Variants in TMEM163 observed in about 807,000 individuals in gnomAD.
The protein encoded by TMEM163 is transmembrane protein 163.
In TMEM163, 17 loss-of-function variants were observed where a neutral mutation model predicts 29.3. The ratio of observed to expected loss-of-function variants is 0.58; its 90% CI spans 0.40 to 0.87. The LOEUF is 0.87. TMEM163 is among the 40% of genes least tolerant of loss of function. The probability of loss-of-function intolerance (pLI) is 0.00; values close to 1 mark genes in which losing one functional copy is unlikely to be tolerated. For missense variants in TMEM163, 303 were observed against 381.5 expected (o/e 0.79, Z 1.71); for synonymous variants, 157 against 160.6 (o/e 0.98, Z 0.17).
intron 2 of TMEM163, among the ~76,000 whole-genome samples, chr2:134,564,078 A>G (rs1055493804): frequency 2.6e-5 from 4 of 152,192 alleles, no homozygotes; most frequent in Non-Finnish European, 4.4e-5. Flanking sequence ...CAGGGTGGGC[A>G]GGGAGAATAG....
At chr2:134,481,862 G>A (rs564881176) in intron 5 of TMEM163, among the ~76,000 whole-genome samples, 2 of 152,282 alleles carry the variant, frequency 1.3e-5, no homozygotes, top group East Asian at 3.9e-4. Context: ...CAGCCTTGAA[G>A]ATGGCTGGTC....
At chr2:134,701,744 C>T (rs984275190) in intron 2 of TMEM163, among the ~76,000 whole-genome samples, 4 of 151,876 alleles carry the variant, frequency 2.6e-5, no homozygotes, top group Admixed American at 6.6e-5. Context: ...ACGGTAAAAC[C>T]CCATCTCTAC....
At chr2:134,617,175 AAC>A (rs1279540546) in intron 2 of TMEM163, among the ~76,000 whole-genome samples, 2 of 152,252 alleles carry the variant, frequency 1.3e-5, no homozygotes, top group African/African-American at 4.8e-5. Context: ...TGAAAAAAGA[AAC>A]AAATGGAACT....
At chr2:134,561,451 G>A (rs1243296017) in intron 2 of TMEM163, among the ~76,000 whole-genome samples, 1 of 145,384 alleles carries the variant, frequency 6.9e-6, no homozygotes, top group Non-Finnish European at 1.5e-5. Flanking sequence ...CTCGTGATCC[G>A]AGGTCCAGCC....
chr2:134,521,781 A>T (rs927945211), intron 4 of TMEM163, among the ~76,000 whole-genome samples: 3 of 152,184 alleles, frequency 2.0e-5, no homozygotes, highest in Non-Finnish European at 4.4e-5. Context: ...CTATAATCCC[A>T]GGATCGGGGA....
intron 2 of TMEM163, among the ~76,000 whole-genome samples, chr2:134,563,586 C>G (rs1336060020): frequency 6.6e-6 from 1 of 152,148 alleles, no homozygotes; most frequent in African/African-American, 2.4e-5. Flanking sequence ...AGACTTCTAC[C>G]TAGAAAAGCA....
chr2:134,501,494 TA>T (rs1190742140), intron 5 of TMEM163, among the ~76,000 whole-genome samples: 1 of 152,214 alleles, frequency 6.6e-6, no homozygotes, highest in Non-Finnish European at 1.5e-5. Context: ...TCAACTGGCA[TA>T]GTGCAGAAAA....
intron 4 of TMEM163, among the ~76,000 whole-genome samples, chr2:134,547,711 CT>C (rs1680823399): frequency 6.6e-6 from 1 of 152,198 alleles, no homozygotes; most frequent in South Asian, 2.1e-4. Context: ...GGTTAGGAAT[CT>C]CCAAGTGAAT....
rs1401444053 is a variant in TMEM163, at chr2:134,662,123, G to A, written c.322+51077C>T. Among the ~76,000 whole-genome samples, 3 of 151,718 alleles carry A rather than the reference G, an allele frequency of 2.0e-5. No homozygotes were observed. In the East Asian group the frequency reaches 5.8e-4, roughly 29 times the overall value. On this transcript the variant is annotated intron_variant, in intron 2 of 7. Transcript: ENST00000281924. ...GTTAATTTTTTGTATTTTTAGTAGAGTCGGGGTTTCACCGTGTTAGCCAGG... is the reference window on the plus strand; with the variant it reads ...GTTAATTTTTTGTATTTTTAGTAGAATCGGGGTTTCACCGTGTTAGCCAGG...
chr2:134,697,858 T>C (rs1023338729), intron 2 of TMEM163, among the ~76,000 whole-genome samples: 6 of 152,216 alleles, frequency 3.9e-5, no homozygotes, highest in Non-Finnish European at 7.3e-5. Flanking sequence ...TTTGTATCTA[T>C]ATTCATGAGT....
intron 2 of TMEM163, among the ~76,000 whole-genome samples, chr2:134,711,567 A>G (rs1325080689): frequency 1.3e-5 from 2 of 152,250 alleles, no homozygotes; most frequent in African/African-American, 4.8e-5. Flanking sequence ...AAGAAAGAGA[A>G]GCCCTTTTCA....
chr2:134,498,200 C>T (rs1329748597), intron 5 of TMEM163, among the ~76,000 whole-genome samples: 1 of 152,124 alleles, frequency 6.6e-6, no homozygotes, highest in Non-Finnish European at 1.5e-5. Context: ...GAGCGCCACA[C>T]CTTGGACAGA....
rs60333876 is a variant in TMEM163, at chr2:134,696,051, CAAAA to C, written c.322+17145_322+17148del. 1.3e-3 allele frequency among the ~76,000 whole-genome samples: 104 copies of C among 79,142 alleles called. 2 individuals carry two copies. The Middle Eastern group carries it at 0.027, about 21-fold the overall frequency. The allele number at this position is 79,142 out of a possible 152,430, so 51.9% of individuals were successfully genotyped here. On this transcript the variant is annotated intron_variant, in intron 2 of 7. Coordinates refer to ENST00000281924, the MANE Select transcript of TMEM163 (RefSeq NM_030923.5). ...GGGCAACAAGAGAAAGACACCGTCT[CAAAA>C]AAAAAAAAAAAAAGGTTTAAATTCT...
At chr2:134,718,002 T>C (rs527552977) in intron 1 of TMEM163, among the ~76,000 whole-genome samples, 53 of 152,212 alleles carry the variant, frequency 3.5e-4, no homozygotes, top group African/African-American at 1.3e-3. Flanking sequence ...CAGGCCAGTG[T>C]CAGTGGAGGG....
chr2:134,559,367 T>C (rs1055726049), intron 2 of TMEM163, among the ~76,000 whole-genome samples: 2 of 152,218 alleles, frequency 1.3e-5, no homozygotes, highest in African/African-American at 4.8e-5. Flanking sequence ...TTTTGCTGTA[T>C]GGACTGTGGT....
intron 4 of TMEM163, among the ~76,000 whole-genome samples, chr2:134,516,655 A>T (rs551936420): frequency 2.7e-5 from 4 of 147,816 alleles, no homozygotes; most frequent in Non-Finnish European, 5.9e-5. Flanking sequence ...ATATTCATAC[A>T]TATATTCATA....
chr2:134,520,636 T>C (rs624817), intron 4 of TMEM163, among the ~76,000 whole-genome samples: 95,176 of 152,204 alleles, frequency 0.63, 31,965 homozygotes, highest in East Asian at 0.96. Flanking sequence ...GTTTACACTC[T>C]CATCTTCCTA....
chr2:134,515,103 G>A (rs1050579562), intron 4 of TMEM163, among the ~76,000 whole-genome samples: 1 of 152,234 alleles, frequency 6.6e-6, no homozygotes, highest in Non-Finnish European at 1.5e-5. Context: ...TCTCAGCAAC[G>A]CGATACTTGG....
chr2:134,628,390 CTG>C (rs1287696156), intron 2 of TMEM163, among the ~76,000 whole-genome samples: 2 of 152,382 alleles, frequency 1.3e-5, no homozygotes, highest in African/African-American at 4.8e-5. Flanking sequence ...GATATGAACT[CTG>C]AGCCTTTGCA....
Sources: allele counts gnomAD v4.1 joint callset (sites outside exome capture counted in the v4.1 genomes callset), GRCh38; gene constraint gnomAD v4.1.1; transcripts MANE v1.5; gene names NCBI Gene and HGNC (gene_info 2026-07-23, HGNC 2026-07-21).